PKN2: variants seen among roughly 807,000 people sequenced by gnomAD.
PKN2 encodes serine/threonine-protein kinase N2.
In PKN2, 38 loss-of-function variants were observed where a neutral mutation model predicts 119.1. The observed-to-expected ratio is 0.32, with a 90% confidence interval of 0.25 to 0.42. The LOEUF is 0.42. PKN2 is among the 10% of genes least tolerant of loss of function. PKN2 has a pLI of 1.00. For synonymous variants in PKN2, 390 were observed against 384.9 expected, an observed-to-expected ratio of 1.01 and a Z score of -0.15; for missense variants, 850 against 1,165.1, an observed-to-expected ratio of 0.73 and a Z score of 3.94.
Position 88,786,192 on chromosome 1 carries a change from G to C in PKN2, c.1260G>C (p.Lys420Asn). Residue 420 changes from lysine (K) to asparagine (N), a missense_variant, in exon 8 of 22, where the codon AAG becomes AAC. Coordinates refer to ENST00000370521, the MANE Select transcript of PKN2 (RefSeq NM_006256.4). The part of the protein sequence containing the change: ...KPISNQSWDQ[K>N]FTLELDRSRE... The stretch of plus-strand genomic sequence containing the variant: ...TTTCCAATCAGTCATGGGACCAGAA[G>C]TTTACACTGGAACTGGACAGGGTAA... 1 of 1,593,380 alleles carries C rather than the reference G, an allele frequency of 6.3e-7. No homozygotes were observed. Among genetic ancestry groups the C allele is most frequent in the Non-Finnish European group, 8.6e-7 (1 of 1,161,300 alleles).
At chr1:88,700,962 C>A (rs1666746442) in intron 1 of PKN2, among the ~76,000 whole-genome samples, 1 of 151,938 alleles carries the variant, frequency 6.6e-6, no homozygotes, top group Admixed American at 6.6e-5. Flanking sequence ...ATCATTTTTC[C>A]CTTGGTAGGT....
intron 1 of PKN2, among the ~76,000 whole-genome samples, chr1:88,716,275 T>C (rs1210088554): frequency 6.6e-6 from 1 of 152,174 alleles, no homozygotes; most frequent in African/African-American, 2.4e-5. Flanking sequence ...TTCTGTTGAT[T>C]TGGGGTGGAG....
intron 2 of PKN2, among the ~76,000 whole-genome samples, chr1:88,743,623 T>C (rs1039826710): frequency 1.3e-5 from 2 of 152,166 alleles, no homozygotes; most frequent in African/African-American, 4.8e-5. Context: ...CACTAAACTG[T>C]CTCCTCCTTG....
chr1:88,810,096 A>G (rs969326322), intron 15 of PKN2, among the ~76,000 whole-genome samples: 52 of 152,204 alleles, frequency 3.4e-4, no homozygotes, highest in African/African-American at 1.2e-3. Flanking sequence ...AAGGCAAGAA[A>G]AAAATTTATA....
intron 1 of PKN2, among the ~76,000 whole-genome samples, chr1:88,737,287 G>A (rs1385298899): frequency 6.6e-6 from 1 of 152,256 alleles, no homozygotes; most frequent in East Asian, 1.9e-4. Flanking sequence ...ATTCCACTGA[G>A]GCCATGTCTC....
intron 19 of PKN2, chr1:88,829,227 TA>T: frequency 1.4e-6 from 1 of 719,784 alleles, no homozygotes; most frequent in Non-Finnish European, 2.6e-6. Flanking sequence ...ATCAGCACGA[TA>T]AAAGCCATGT....
In PKN2 at chr1:88,830,737, T is replaced by G. The variant is rs560263354; in HGVS notation, c.2563-2007T>G. On this transcript the variant is annotated intron_variant, in intron 19 of 21. Transcript: ENST00000370521. The stretch of plus-strand genomic sequence containing the variant: ...AGAGCTAATTGATTGAGCTCTTAAT[T>G]ACCTAGAAGATAAAAGACAGTGGAT... Among the ~76,000 whole-genome samples the G allele has an allele frequency of 9.1e-4, 138 of 152,272 alleles. 1 individual carries two copies. Among genetic ancestry groups the G allele is most frequent in the African/African-American group, 2.9e-3 (122 of 41,580 alleles).
intron 19 of PKN2, chr1:88,829,276 T>A: frequency 1.5e-6 from 1 of 655,114 alleles, no homozygotes; most frequent in Non-Finnish European, 2.9e-6. Context: ...ATGAAACCAA[T>A]GAGGTCAATT....
intron 2 of PKN2, among the ~76,000 whole-genome samples, chr1:88,755,900 A>G (rs914256196): frequency 1.3e-5 from 2 of 151,548 alleles, no homozygotes; most frequent in African/African-American, 4.9e-5. Flanking sequence ...ACAAACTATC[A>G]GATCAATTGG....
intron 6 of PKN2, among the ~76,000 whole-genome samples, chr1:88,776,321 G>C (rs895111937): frequency 2.5e-4 from 38 of 149,464 alleles, no homozygotes; most frequent in African/African-American, 9.1e-4. Context: ...CTTATGGGCG[G>C]GTCTCCTAGT....
At chr1:88,816,736 C>G (rs1040362545) in intron 16 of PKN2, 1 of 152,144 alleles carries the variant, frequency 6.6e-6, no homozygotes, top group Non-Finnish European at 1.5e-5. Flanking sequence ...ACCCTGACCA[C>G]CACCCCTGCA....
chr1:88,746,191 GA>G (rs1242947767), intron 2 of PKN2, among the ~76,000 whole-genome samples: 1 of 152,062 alleles, frequency 6.6e-6, no homozygotes, highest in African/African-American at 2.4e-5. Flanking sequence ...AGAAAATATA[GA>G]GGGAAAGCTC....
In PKN2 at chr1:88,797,336, A is replaced by G. The variant is rs184372409; in HGVS notation, c.1282-7055A>G. Among the ~76,000 whole-genome samples, 574 of 143,960 alleles carry G rather than the reference A, an allele frequency of 4.0e-3. 12 individuals are homozygous for G. The highest frequency in any genetic ancestry group is 0.032 in the East Asian group (160 of 4,996). 94.4% of individuals were successfully genotyped at this position (143,960 alleles called of 152,430 possible). On this transcript the variant is annotated intron_variant, in intron 8 of 21. Coordinates refer to ENST00000370521, the MANE Select transcript of PKN2 (RefSeq NM_006256.4). Reference sequence around the variant, plus strand: ...GCAACAAGAGCAAAACTCTATCTTAAAAAAAAAAAAAAGAAAGAAAATGTC... The same window carrying G: ...GCAACAAGAGCAAAACTCTATCTTAGAAAAAAAAAAAAGAAAGAAAATGTC...
intron 6 of PKN2, among the ~76,000 whole-genome samples, chr1:88,772,237 T>A (rs1389967796): frequency 6.6e-6 from 1 of 152,232 alleles, no homozygotes; most frequent in Non-Finnish European, 1.5e-5. Flanking sequence ...ATAGAAATTA[T>A]ATAATTTGTG....
At chr1:88,799,045 A>G (rs987959313) in intron 8 of PKN2, among the ~76,000 whole-genome samples, 2 of 152,230 alleles carry the variant, frequency 1.3e-5, no homozygotes, top group African/African-American at 4.8e-5. Flanking sequence ...GAAGCTATAT[A>G]TGTAAAGACA....
rs780873749 is a variant in PKN2, at chr1:88,813,732, G to A, written c.2278G>A (p.Val760Ile). 3.2e-6 allele frequency: 5 copies of A among 1,585,398 alleles called. No individual in the cohort carries two copies. The highest frequency in any genetic ancestry group is 1.2e-5 in the South Asian group (1 of 85,584). ...TGATGTCTTTTCTGAACCAAGAGCT[G>A]TGTGAGTATGCTTTAGACATTTGTC... is the stretch of plus-strand genomic sequence containing the variant. ...HTDVFSEPRAVFYAACVVLGL... is the reference protein window; with the variant it reads ...HTDVFSEPRAIFYAACVVLGL... Residue 760 changes from valine (V) to isoleucine (I), a missense_variant and splice_region_variant, in exon 16 of 22, where the codon GTA (valine) becomes ATA (isoleucine). Physicochemically the swap from Val to Ile is conservative, Grantham distance 29. Coordinates refer to ENST00000370521, the MANE Select transcript of PKN2 (RefSeq NM_006256.4).
chr1:88,828,315 T>C (rs1485307211), intron 18 of PKN2, among the ~76,000 whole-genome samples, 166 bp from the exon 19 acceptor site: 1 of 152,248 alleles, frequency 6.6e-6, no homozygotes, highest in African/African-American at 2.4e-5. Context: ...CAGTTTTTGC[T>C]ATACCAGTCC....
chr1:88,767,654 C>T (rs1026531466), intron 3 of PKN2, among the ~76,000 whole-genome samples: 5 of 152,032 alleles, frequency 3.3e-5, no homozygotes, highest in African/African-American at 9.7e-5. Flanking sequence ...ATATGTAGTC[C>T]GTTGTTGACC....
chr1:88,768,549 A>T (rs2100796671), intron 3 of PKN2, among the ~76,000 whole-genome samples: 1 of 152,318 alleles, frequency 6.6e-6, no homozygotes, highest in South Asian at 2.1e-4. Context: ...GAAATCAAGG[A>T]CAATCTCTGT....
Sources: allele counts gnomAD v4.1 joint callset (sites outside exome capture counted in the v4.1 genomes callset), GRCh38; gene constraint gnomAD v4.1.1; transcripts MANE v1.5; gene names NCBI Gene and HGNC (gene_info 2026-07-23, HGNC 2026-07-21).